GABRB3: variants seen among roughly 807,000 people sequenced by gnomAD.
GABRB3 encodes gamma-aminobutyric acid type A receptor subunit beta3.
A neutral mutation model predicts 52.1 loss-of-function variants in GABRB3; 14 were observed. The observed-to-expected ratio is 0.27, with a 90% CI of 0.18 to 0.42. GABRB3 has a LOEUF of 0.42. GABRB3 is among the 10% of genes least tolerant of loss of function. The pLI, the probability that GABRB3 is intolerant of heterozygous loss-of-function variation, is 1.00. For missense variants in GABRB3, 307 were observed against 609.1 expected, an observed-to-expected ratio of 0.50 and a Z score of 5.22; for synonymous variants, 260 against 232.3, an observed-to-expected ratio of 1.12 and a Z score of -1.08.
At chr15:26,647,037 G>A (rs1298729105) in intron 3 of GABRB3, among the ~76,000 whole-genome samples, 3 of 152,086 alleles carry the variant, frequency 2.0e-5, no homozygotes, top group African/African-American at 4.8e-5. Flanking sequence ...TATAGACGGG[G>A]TTTCACCTTG....
intron 4 of GABRB3, among the ~76,000 whole-genome samples, chr15:26,597,941 C>G (rs898715562): frequency 6.6e-6 from 1 of 152,188 alleles, no homozygotes; most frequent in Non-Finnish European, 1.5e-5. Context: ...TGAGAAGCCC[C>G]AAGTCCCTGC....
intron 3 of GABRB3, among the ~76,000 whole-genome samples, chr15:26,663,620 A>G (rs1356019502): frequency 6.6e-6 from 1 of 152,198 alleles, no homozygotes; most frequent in Non-Finnish European, 1.5e-5. Context: ...GTTTATCGGA[A>G]AGCATGCACT....
At chr15:26,729,979 T>C (rs1375858752) in intron 3 of GABRB3, among the ~76,000 whole-genome samples, 2 of 152,234 alleles carry the variant, frequency 1.3e-5, no homozygotes, top group Non-Finnish European at 2.9e-5. Context: ...ATAAGAGATA[T>C]GCATTAAATA....
intron 4 of GABRB3, among the ~76,000 whole-genome samples, chr15:26,610,942 A>G (rs1192277868): frequency 6.6e-6 from 1 of 152,242 alleles, no homozygotes; most frequent in East Asian, 1.9e-4. Flanking sequence ...TAACTCAGCC[A>G]AAACAAAATG....
At position 26,546,280 on chromosome 15, in the gene GABRB3, ATTG is replaced by A. The variant is rs1889236518; in HGVS notation, c.*1510_*1512del. 6.6e-6 allele frequency: 1 copy of A among 152,538 alleles called. No individual in the cohort carries two copies. Among genetic ancestry groups the A allele is most frequent in the Admixed American group, 6.5e-5 (1 of 15,270 alleles). 9.4% of individuals were successfully genotyped at this position (152,538 alleles called of 1,614,324 possible). A position where few individuals can be genotyped will look rare whatever the true frequency, so the allele number is the denominator to read the frequency against. On this transcript the variant is annotated 3_prime_UTR_variant, in exon 9 of 9. Transcript: ENST00000311550. ...GTTTATGGATGCCTGTGATAGAAAT[ATTG>A]TTTACAAAAAATATATCATCTCTTT...
chr15:26,729,124 G>A (rs1889844003), intron 3 of GABRB3, among the ~76,000 whole-genome samples: 1 of 151,904 alleles, frequency 6.6e-6, no homozygotes, highest in South Asian at 2.1e-4. Flanking sequence ...CTCTGCAAGT[G>A]GGCATCTGCT....
Position 26,772,786 on chromosome 15 carries a change from G to C in GABRB3, c.81-14C>G. The C allele has an allele frequency of 1.9e-6, 3 of 1,538,842 alleles. No homozygotes were observed. The highest frequency in any genetic ancestry group is 2.6e-6 in the Non-Finnish European group (3 of 1,141,248). ...GGATCGTTCACACTGGGGGAGGGAC[G>C]GGGAGCACAAAGAGCGGGGTCAGGG... On this transcript the variant is annotated splice_polypyrimidine_tract_variant and intron_variant, in intron 1 of 8. Coordinates refer to ENST00000311550, the MANE Select transcript of GABRB3 (RefSeq NM_000814.6).
chr15:26,557,904 T>C (rs1207051040), intron 8 of GABRB3: 1 of 152,222 alleles, frequency 6.6e-6, no homozygotes, highest in Non-Finnish European at 1.5e-5. Context: ...TTTTTGTCTT[T>C]TTATCTTAGA....
At chr15:26,747,997 T>C (rs1260781624) in intron 3 of GABRB3, among the ~76,000 whole-genome samples, 1 of 141,412 alleles carries the variant, frequency 7.1e-6, no homozygotes, top group Non-Finnish European at 1.5e-5. Context: ...TTTTTTTCTT[T>C]AGCCTGTCAA....
At chr15:26,607,585 CAAACAAACA>C (rs1363402090) in intron 4 of GABRB3, among the ~76,000 whole-genome samples, 1 of 114,966 alleles carries the variant, frequency 8.7e-6, no homozygotes, top group African/African-American at 2.8e-5. Flanking sequence ...AAAAACTCAC[CAAACAAACA>C]AAACAAAACA....
chr15:26,551,744 T>G (rs910619836), intron 8 of GABRB3, among the ~76,000 whole-genome samples: 2 of 152,232 alleles, frequency 1.3e-5, no homozygotes, highest in Admixed American at 6.5e-5. Context: ...AGCATTGGTT[T>G]AGAAGTTGTC....
chr15:26,689,850 T>G (rs1888528222), intron 3 of GABRB3, among the ~76,000 whole-genome samples: 1 of 152,104 alleles, frequency 6.6e-6, no homozygotes, highest in Non-Finnish European at 1.5e-5. Flanking sequence ...AGCCTAATCA[T>G]GGTCAGCAAG....
Position 26,547,701 on chromosome 15 carries a change from T to A in GABRB3, c.*92A>T. 2 of 928,500 alleles carry A rather than the reference T, an allele frequency of 2.2e-6. No homozygotes were observed. Among genetic ancestry groups the A allele is most frequent in the Non-Finnish European group, 3.5e-6 (2 of 570,662 alleles). 57.5% of individuals were successfully genotyped at this position (928,500 alleles called of 1,614,324 possible). A position where few individuals can be genotyped will look rare whatever the true frequency, so the allele number is the denominator to read the frequency against. ...GTATATATGTGTGTGTCTGCTTGTG[T>A]GTCTGTGTGTGTACAGGTATAAAAA... On this transcript the variant is annotated 3_prime_UTR_variant, in exon 9 of 9. Coordinates refer to ENST00000311550, the MANE Select transcript of GABRB3 (RefSeq NM_000814.6).
intron 3 of GABRB3, among the ~76,000 whole-genome samples, chr15:26,690,287 CA>C (rs1888547442): frequency 6.6e-6 from 1 of 151,828 alleles, no homozygotes; most frequent in Non-Finnish European, 1.5e-5. Flanking sequence ...CTATGTTGCC[CA>C]GACTGGTCTT....
intron 3 of GABRB3, among the ~76,000 whole-genome samples, chr15:26,734,092 T>C (rs1337862245): frequency 6.9e-6 from 1 of 144,146 alleles, no homozygotes; most frequent in Non-Finnish European, 1.5e-5. Flanking sequence ...TGCAATGGCA[T>C]GATCTCGCCT....
intron 3 of GABRB3, among the ~76,000 whole-genome samples, chr15:26,677,795 T>G (rs1888114681): frequency 6.6e-6 from 1 of 152,190 alleles, no homozygotes; most frequent in Non-Finnish European, 1.5e-5. Flanking sequence ...TTGTTCATGT[T>G]TAAGGGCTAT....
At chr15:26,678,563 TGAGAGA>T (rs541862935) in intron 3 of GABRB3, among the ~76,000 whole-genome samples, 1 of 133,194 alleles carries the variant, frequency 7.5e-6, no homozygotes, top group Non-Finnish European at 1.7e-5. Context: ...AGAATGAGAG[TGAGAGA>T]GAGAGAGAGA....
chr15:26,599,870 T>C (rs1891525571), intron 4 of GABRB3, among the ~76,000 whole-genome samples: 1 of 151,998 alleles, frequency 6.6e-6, no homozygotes, highest in Non-Finnish European at 1.5e-5. Context: ...AAAGAATTAA[T>C]AAAGCTCCAA....
At chr15:26,653,330 GTT>G (rs1355195759) in intron 3 of GABRB3, among the ~76,000 whole-genome samples, 1 of 152,184 alleles carries the variant, frequency 6.6e-6, no homozygotes, top group Non-Finnish European at 1.5e-5. Flanking sequence ...TAAGATTGGT[GTT>G]CAAGGTATTT....
Sources: allele counts gnomAD v4.1 joint callset (sites outside exome capture counted in the v4.1 genomes callset), GRCh38; gene constraint gnomAD v4.1.1; transcripts MANE v1.5; gene names NCBI Gene and HGNC (gene_info 2026-07-23, HGNC 2026-07-21).